CELF2: variants seen among roughly 807,000 people sequenced by gnomAD.
CELF2 encodes the protein CUGBP Elav-like family member 2, also known as CUG triplet repeat RNA-binding protein 2.
A neutral mutation model predicts 62.6 loss-of-function variants in CELF2; 8 were observed. The ratio of observed to expected loss-of-function variants is 0.13; its 90% CI spans 0.07 to 0.23. The LOEUF (loss-of-function observed/expected upper bound fraction) is 0.23. CELF2 is among the 10% of genes least tolerant of loss of function. The pLI is 1.00. For missense variants in CELF2, 333 were observed against 671.0 expected, an observed-to-expected ratio of 0.50 and a Z score of 5.56; for synonymous variants, 258 against 250.0, an observed-to-expected ratio of 1.03 and a Z score of -0.30.
the CELF2 span, among the ~76,000 whole-genome samples, chr10:10,644,704 A>ATCCATTGTTACGGGAGAG: frequency 6.6e-6 from 1 of 152,136 alleles, no homozygotes; most frequent in Admixed American, 6.5e-5. Context: ...TTTGCTAGAA[A>ATCCATTGTTACGGGAGAG]AATGAAACAA....
chr10:11,173,686 G>A (rs2069822720), intron 2 of CELF2, among the ~76,000 whole-genome samples: 2 of 152,154 alleles, frequency 1.3e-5, no homozygotes, highest in Admixed American at 1.3e-4. Context: ...CACTGATTCT[G>A]AGGCCATCCA....
Position 10,927,637 on chromosome 10 carries a change from C to T in CELF2, c.89+7638C>T, listed in dbSNP as rs1161113259. Among the ~76,000 whole-genome samples, 3 of 152,184 alleles carry T rather than the reference C, an allele frequency of 2.0e-5. No individual in the cohort carries two copies. The East Asian group carries it at 5.8e-4, about 29-fold the overall frequency. On this transcript the variant is annotated intron_variant, in intron 2 of 13. Coordinates refer to the CELF2 transcript ENST00000636488. Reference sequence around the variant, plus strand: ...GGAGATGGAGTCTTGGTATGTTACCCAAGCTGGTCTCAAACTCTGGGCCTC... The same window carrying T: ...GGAGATGGAGTCTTGGTATGTTACCTAAGCTGGTCTCAAACTCTGGGCCTC...
At chr10:11,179,401 G>A (rs1327137345) in intron 2 of CELF2, among the ~76,000 whole-genome samples, 2 of 152,254 alleles carry the variant, frequency 1.3e-5, no homozygotes, top group East Asian at 1.9e-4. Context: ...TACATCGCTT[G>A]CTGAAGGACT....
chr10:10,886,995 T>C (rs556526512), intron 1 of CELF2, among the ~76,000 whole-genome samples: 25 of 152,308 alleles, frequency 1.6e-4, no homozygotes, highest in African/African-American at 4.3e-4. Flanking sequence ...TGCCTGGGTG[T>C]CACAGCTTCC....
chr10:11,009,380 C>A (rs891052245), intron 1 of CELF2, among the ~76,000 whole-genome samples: 1 of 151,874 alleles, frequency 6.6e-6, no homozygotes, highest in Non-Finnish European at 1.5e-5. Flanking sequence ...CGCGTCGGAA[C>A]CTCCGTTCAA....
At chr10:10,517,814 G>C in the CELF2 span, among the ~76,000 whole-genome samples, 2 of 152,190 alleles carry the variant, frequency 1.3e-5, no homozygotes, top group Admixed American at 1.3e-4. Flanking sequence ...CAATTATGTG[G>C]GAGAGGTTTG....
the CELF2 span, among the ~76,000 whole-genome samples, chr10:10,473,959 G>A: frequency 7.2e-5 from 11 of 152,136 alleles, no homozygotes; most frequent in East Asian, 1.9e-4. Context: ...AGACAAACCC[G>A]GGATTATATT....
upstream of CELF2, chr10:11,005,252 GA>G: frequency 1.4e-6 from 2 of 1,457,262 alleles, no homozygotes; most frequent in Non-Finnish European, 1.8e-6. This position sits in a 1 kb window ranked among gnomAD's most constrained non-coding sequence, Gnocchi z 4.3. Flanking sequence ...GACAGAGAGA[GA>G]GGGAGAGAGA....
chr10:10,686,008 A>G, the CELF2 span, among the ~76,000 whole-genome samples: 1,562 of 152,202 alleles, frequency 0.01, 23 homozygotes, highest in African/African-American at 0.036. Context: ...TTCACTGAGG[A>G]TGATGGCAGC....
In CELF2 at chr10:11,290,794, C is replaced by G. The variant is rs2092413632; in HGVS notation, c.976+2242C>G. On this transcript the variant is annotated intron_variant, in intron 9 of 12. Coordinates refer to ENST00000633077, the MANE Select transcript of CELF2 (RefSeq NM_001326342.2). The surrounding 1 kb of genome is among the most constrained non-coding windows in gnomAD (Gnocchi z 4.3). ...TCACTGAGAGCGATTTTTCTCTTCT[C>G]TACTGAGGAATGCTTTGCATAATAA... Among the ~76,000 whole-genome samples the G allele has an allele frequency of 1.3e-5, 2 of 152,276 alleles. No individual in the cohort carries two copies. The highest frequency in any genetic ancestry group is 4.1e-4 in the South Asian group (2 of 4,826).
intron 1 of CELF2, among the ~76,000 whole-genome samples, chr10:11,113,820 C>A (rs1028262785): frequency 1.3e-5 from 2 of 152,118 alleles, no homozygotes; most frequent in Non-Finnish European, 2.9e-5. Context: ...GAAACAAAAG[C>A]AAGGTTCTTG....
chr10:10,475,948 A>G, the CELF2 span, among the ~76,000 whole-genome samples: 3 of 151,926 alleles, frequency 2.0e-5, no homozygotes, highest in Non-Finnish European at 4.4e-5. Flanking sequence ...CATTTTGTAT[A>G]CCATCACTTC....
rs1182477466 is a variant in CELF2 at position 11,284,411 on chromosome 10, G to A, written c.842-4007G>A. Among the ~76,000 whole-genome samples, 18 of 149,808 alleles carry A rather than the reference G, an allele frequency of 1.2e-4. No homozygotes were observed. The South Asian group carries it at 2.4e-3, about 20-fold the overall frequency. On this transcript the variant is annotated intron_variant, in intron 8 of 12. Coordinates refer to ENST00000633077, the MANE Select transcript of CELF2 (RefSeq NM_001326342.2). ...ACGGAGGGGTGGGTGGATGATGGAT[G>A]ACTGTGTGGTAGGTGGATGATGGAT...
At position 11,306,948 on chromosome 10, in the gene CELF2, C is replaced by G. The variant is rs1391692504; in HGVS notation, c.977-7191C>G. Among the ~76,000 whole-genome samples, 7 of 152,318 alleles carry G rather than the reference C, an allele frequency of 4.6e-5. No homozygotes were observed. The South Asian group carries it at 1.2e-3, about 27-fold the overall frequency. On this transcript the variant is annotated intron_variant, in intron 9 of 12. Transcript: ENST00000633077. This position sits in a 1 kb window ranked among gnomAD's most constrained non-coding sequence, Gnocchi z 4.4. ...CAGGGAGTTTCTAGGCCGCCTCCAC[C>G]TCTCCTATGGCCCCCTGAGCTAGGC...
chr10:10,890,769 C>T (rs960386218), intron 1 of CELF2, among the ~76,000 whole-genome samples: 2 of 152,240 alleles, frequency 1.3e-5, no homozygotes, highest in Non-Finnish European at 2.9e-5. Context: ...AATCCCAGCA[C>T]TTTGGGAGGC....
the CELF2 span, among the ~76,000 whole-genome samples, chr10:10,740,291 T>C: frequency 6.6e-6 from 1 of 152,172 alleles, no homozygotes; most frequent in African/African-American, 2.4e-5. Context: ...TTTCAAATGA[T>C]TTTTGCATAA....
upstream of CELF2, among the ~76,000 whole-genome samples, chr10:11,015,359 G>A (rs987279221): frequency 1.3e-5 from 2 of 152,108 alleles, no homozygotes; most frequent in Admixed American, 1.3e-4. This position sits in a 1 kb window ranked among gnomAD's most constrained non-coding sequence, Gnocchi z 4.8. Flanking sequence ...CATGGAAACC[G>A]ACTCGATATT....
the CELF2 span, among the ~76,000 whole-genome samples, chr10:10,697,288 A>G: frequency 1.3e-5 from 2 of 152,192 alleles, no homozygotes; most frequent in African/African-American, 4.8e-5. Flanking sequence ...GCAATGGGAC[A>G]GACGAATGGA....
At chr10:11,047,180 G>T (rs1291878) in intron 1 of CELF2, among the ~76,000 whole-genome samples, 14,048 of 152,092 alleles carry the variant, frequency 0.092, 716 homozygotes, top group African/African-American at 0.13. Context: ...ACTTAGAAGG[G>T]AATACAGTCC....
Sources: allele counts gnomAD v4.1 joint callset (sites outside exome capture counted in the v4.1 genomes callset), GRCh38; gene constraint gnomAD v4.1.1; non-coding constraint Gnocchi (gnomAD v3.1); transcripts MANE v1.5; gene names NCBI Gene and HGNC (gene_info 2026-07-23, HGNC 2026-07-21).